GRAMD1B: variants seen among roughly 807,000 people sequenced by gnomAD.
GRAMD1B encodes protein Aster-B.
A neutral mutation model predicts 99.7 loss-of-function variants in GRAMD1B; 37 were observed. That is an observed-to-expected ratio of 0.37 (90% CI 0.29 to 0.49). The LOEUF (loss-of-function observed/expected upper bound fraction) is 0.49, where lower values mean the gene tolerates loss of function less well. Ranked by LOEUF, GRAMD1B falls within the 20% of genes least tolerant of loss-of-function variation. The probability of loss-of-function intolerance (pLI) is 0.98; values close to 1 mark genes in which losing one functional copy is unlikely to be tolerated. For missense variants in GRAMD1B, 888 were observed against 1,009.2 expected, an observed-to-expected ratio of 0.88 and a Z score of 1.63; for synonymous variants, 427 against 387.6, an observed-to-expected ratio of 1.10 and a Z score of -1.19.
rs1949829188 is a variant in GRAMD1B at position 123,584,398 on chromosome 11, G to GA, written c.684+68dup. ...ATGGGAGGGGGAATGGAGGTTGGGGGAAGGGGTGTGGGGTGCGGTTGGGCT... is the reference window on the plus strand; with the variant it reads ...ATGGGAGGGGGAATGGAGGTTGGGGGAAAGGGGTGTGGGGTGCGGTTGGGCT... On this transcript the variant is annotated intron_variant, in intron 4 of 19. Coordinates refer to ENST00000635736, the MANE Select transcript of GRAMD1B (RefSeq NM_001387025.1). The GA allele has an allele frequency of 8.6e-6, 6 of 694,404 alleles. 2 individuals carry two copies. The highest frequency in any genetic ancestry group is 7.2e-6 in the Non-Finnish European group (3 of 418,254). 43.0% of individuals were successfully genotyped at this position (694,404 alleles called of 1,614,324 possible).
chr11:123,454,211 AATAAG>A (rs1412911166), intron 1 of GRAMD1B, among the ~76,000 whole-genome samples: 1 of 152,238 alleles, frequency 6.6e-6, no homozygotes. Flanking sequence ...TTGCAGATGA[AATAAG>A]ATAAGGCATC....
At position 123,530,354 on chromosome 11, in the gene GRAMD1B, T is replaced by G. The variant is rs565427099; in HGVS notation, c.453-47013T>G. On this transcript the variant is annotated intron_variant, in intron 2 of 19. Coordinates refer to ENST00000635736, the MANE Select transcript of GRAMD1B (RefSeq NM_001387025.1). ...TCTTTAGCTGTTGCCTGGACCAAATTATCTATTCCTCTAGATTTCTTTTGT... is the reference window on the plus strand; with the variant it reads ...TCTTTAGCTGTTGCCTGGACCAAATGATCTATTCCTCTAGATTTCTTTTGT... 6.6e-5 allele frequency among the ~76,000 whole-genome samples: 10 copies of G among 152,288 alleles called. No homozygotes were observed. In the East Asian group the frequency reaches 1.7e-3, roughly 26 times the overall value.
In GRAMD1B at chr11:123,385,351, G is replaced by C. The variant is rs758997608; in HGVS notation, c.-176+26552G>C. ...CTAATCAATCATCCTCATTGTTCTT[G>C]AGCAGATATGACCATGCCATTCTCC... On this transcript the variant is annotated intron_variant, in intron 1 of 20. Transcript: ENST00000638157. Among the ~76,000 whole-genome samples the C allele has an allele frequency of 1.4e-4, 21 of 152,088 alleles. 1 individual carries two copies. Among genetic ancestry groups the C allele is most frequent in the Non-Finnish European group, 2.8e-4 (19 of 68,010 alleles).
intron 1 of GRAMD1B, among the ~76,000 whole-genome samples, chr11:123,393,304 C>A (rs141866412): frequency 6.6e-6 from 1 of 152,328 alleles, no homozygotes; most frequent in East Asian, 1.9e-4. Context: ...CTTTTTATTT[C>A]TAATGTCTAT....
chr11:123,405,043 G>A (rs1947804906), intron 1 of GRAMD1B, among the ~76,000 whole-genome samples: 1 of 152,236 alleles, frequency 6.6e-6, no homozygotes, highest in Non-Finnish European at 1.5e-5. Context: ...AAATAGCCAA[G>A]AAACTGTCTT....
chr11:123,525,791 T>C, intron 2 of GRAMD1B: 1 of 298,768 alleles, frequency 3.3e-6, no homozygotes, highest in Non-Finnish European at 6.4e-6. Context: ...CCAGCCTGGC[T>C]GTTGACGGCA....
Position 123,594,070 on chromosome 11 carries a change from A to T in GRAMD1B, c.685-12A>T, listed in dbSNP as rs763280370. On this transcript the variant is annotated splice_polypyrimidine_tract_variant and intron_variant, in intron 4 of 19. Coordinates refer to ENST00000635736, the MANE Select transcript of GRAMD1B (RefSeq NM_001387025.1). ...GGGGTACATCCTACTAACCTTGGCT[A>T]TTGTCACGCAGGTGTTAAGCCCCAC... is the stretch of plus-strand genomic sequence containing the variant. The T allele has an allele frequency of 6.3e-6, 10 of 1,591,880 alleles. No individual in the cohort carries two copies. The East Asian group carries it at 2.2e-4, about 36-fold the overall frequency.
At chr11:123,425,298 C>T (rs1186379548), upstream of GRAMD1B, among the ~76,000 whole-genome samples, 1 of 152,106 alleles carries the variant, frequency 6.6e-6, no homozygotes, top group Non-Finnish European at 1.5e-5. Context: ...AGCAGAAATT[C>T]CAGCACATGC....
chr11:123,447,306 T>G (rs1220161894), intron 1 of GRAMD1B, among the ~76,000 whole-genome samples: 1 of 152,188 alleles, frequency 6.6e-6, no homozygotes, highest in Admixed American at 6.5e-5. Flanking sequence ...TATTTCCACC[T>G]TCAGAAAAAC....
At chr11:123,435,245 A>C (rs1034311185) in intron 1 of GRAMD1B, among the ~76,000 whole-genome samples, 4 of 152,034 alleles carry the variant, frequency 2.6e-5, no homozygotes, top group Non-Finnish European at 5.9e-5. Flanking sequence ...CACATTCCCC[A>C]CCCCAAATCT....
intron 2 of GRAMD1B, among the ~76,000 whole-genome samples, chr11:123,524,712 C>T (rs1942527575): frequency 6.6e-6 from 1 of 152,172 alleles, no homozygotes; most frequent in Non-Finnish European, 1.5e-5. Flanking sequence ...ACGAGGATGT[C>T]TGCAGATTGT....
intron 2 of GRAMD1B, among the ~76,000 whole-genome samples, chr11:123,573,440 G>T (rs1045318628): frequency 9.9e-5 from 15 of 152,148 alleles, no homozygotes; most frequent in African/African-American, 3.6e-4. Flanking sequence ...TTCTTTCTTT[G>T]TACTCACCCA....
chr11:123,394,511 G>C (rs1324832225), intron 1 of GRAMD1B, among the ~76,000 whole-genome samples: 1 of 152,104 alleles, frequency 6.6e-6, no homozygotes, highest in Non-Finnish European at 1.5e-5. Flanking sequence ...AACCTCCATA[G>C]TACTTTTTAC....
At chr11:123,464,705 TG>T (rs755182937) in intron 1 of GRAMD1B, among the ~76,000 whole-genome samples, 1 of 152,130 alleles carries the variant, frequency 6.6e-6, no homozygotes, top group Non-Finnish European at 1.5e-5. Flanking sequence ...GCAGCCAAGG[TG>T]GTACTGATAT....
intron 2 of GRAMD1B, among the ~76,000 whole-genome samples, chr11:123,567,806 C>T (rs1049352116): frequency 6.6e-6 from 1 of 152,224 alleles, no homozygotes; most frequent in Non-Finnish European, 1.5e-5. Context: ...AACCTTTGCC[C>T]AGGTCCAGCT....
At chr11:123,530,412 T>C (rs932775628) in intron 2 of GRAMD1B, among the ~76,000 whole-genome samples, 1 of 152,168 alleles carries the variant, frequency 6.6e-6, no homozygotes, top group African/African-American at 2.4e-5. Context: ...AGTTTCACTC[T>C]TGTCACCCAG....
rs1359503129 is a variant in GRAMD1B, at chr11:123,622,871, T to C, written c.*276T>C. On this transcript the variant is annotated 3_prime_UTR_variant, in exon 20 of 20. Coordinates refer to ENST00000635736, the MANE Select transcript of GRAMD1B (RefSeq NM_001387025.1). Reference sequence around the variant, plus strand: ...CCCTGATCTCCCTCCTCCCACCCTCTGTTCCCCACCCCTTCCCTTGCTGGC... The same window carrying C: ...CCCTGATCTCCCTCCTCCCACCCTCCGTTCCCCACCCCTTCCCTTGCTGGC... 1 of 155,106 alleles carries C rather than the reference T, an allele frequency of 6.4e-6. No individual in the cohort carries two copies. Among genetic ancestry groups the C allele is most frequent in the East Asian group, 1.9e-4 (1 of 5,266 alleles). 9.6% of individuals were successfully genotyped at this position (155,106 alleles called of 1,614,324 possible).
chr11:123,477,061 C>G (rs920174124), intron 1 of GRAMD1B, among the ~76,000 whole-genome samples: 3 of 152,146 alleles, frequency 2.0e-5, no homozygotes, highest in Non-Finnish European at 4.4e-5. Flanking sequence ...TAAAATGATG[C>G]CTTGCATATA....
At chr11:123,426,887 T>C (rs1283597134), upstream of GRAMD1B, among the ~76,000 whole-genome samples, 1 of 152,220 alleles carries the variant, frequency 6.6e-6, no homozygotes, top group Non-Finnish European at 1.5e-5. Flanking sequence ...CCAGAAGTAA[T>C]AGACAGGTGT....
Sources: gnomAD v4.1 joint callset for allele counts (sites outside exome capture counted in the v4.1 genomes callset) on GRCh38, gnomAD v4.1.1 for gene constraint, MANE v1.5 for transcripts, NCBI Gene and HGNC (gene_info 2026-07-23, HGNC 2026-07-21) for gene names.